Variants in CATSPERD observed in about 807,000 individuals in gnomAD.
CATSPERD encodes cation channel sperm-associated auxiliary subunit delta.
Under a neutral mutation model 98.1 loss-of-function variants are expected in CATSPERD, and 86 were observed. The observed-to-expected ratio is 0.88, with a 90% CI of 0.74 to 1.05. The LOEUF (loss-of-function observed/expected upper bound fraction) is 1.05, where lower values mean the gene tolerates loss of function less well. Ranked by LOEUF, CATSPERD falls within the 50% of genes least tolerant of loss-of-function variation. The pLI, the probability that CATSPERD is intolerant of heterozygous loss-of-function variation, is 0.00. For synonymous variants in CATSPERD, 394 were observed against 390.2 expected, an observed-to-expected ratio of 1.01 and a Z score of -0.12; for missense variants, 995 against 1,005.7, an observed-to-expected ratio of 0.99 and a Z score of 0.14.
At position 5,773,124 on chromosome 19, in the gene CATSPERD, C is replaced by T. The variant is rs148077087; in HGVS notation, c.1941+159C>T. Among the ~76,000 whole-genome samples the T allele has an allele frequency of 6.8e-3, 1,037 of 152,226 alleles. 4 individuals are homozygous for T. Among genetic ancestry groups the T allele is most frequent in the Non-Finnish European group, 0.01 (700 of 68,018 alleles). ...ATCCCAGCACTTTGGGAGGCTGAGG[C>T]AGGTGGATCATGAGGTCAGGAGTTT... On this transcript the variant is annotated intron_variant, in intron 20 of 21. Transcript: ENST00000381624.
chr19:5,737,022 A>AC (rs1282513586), intron 5 of CATSPERD, 116 bp from the exon 6 acceptor site: 12 of 576,018 alleles, frequency 2.1e-5, no homozygotes, highest in Non-Finnish European at 3.4e-5. Context: ...ACGCCACTGC[A>AC]CTTCAGCCTG....
rs920861269 is a variant in CATSPERD, at chr19:5,746,595, AT to A, written c.808+543del. ...AGGCGCCCAGCACCATGCCCGGCTA[AT>A]TTTTTTTTTTGTATTTTTAGTAGAG... On this transcript the variant is annotated intron_variant, in intron 9 of 21. Coordinates refer to ENST00000381624, the MANE Select transcript of CATSPERD (RefSeq NM_152784.4). 8.1e-3 allele frequency among the ~76,000 whole-genome samples: 1,188 copies of A among 146,448 alleles called. 7 individuals carry two copies. The highest frequency in any genetic ancestry group is 0.012 in the Non-Finnish European group (810 of 66,020).
chr19:5,720,836 G>T (rs576440536), intron 1 of CATSPERD, 28 bp downstream of exon 1: 2 of 1,580,496 alleles, frequency 1.3e-6, no homozygotes, highest in African/African-American at 1.3e-5. Context: ...CCTGGGGCTG[G>T]GGTGCTGCCG....
intron 1 of CATSPERD, 75 bp from the exon 2 acceptor site, chr19:5,724,733 T>C: frequency 1.4e-6 from 2 of 1,439,404 alleles, no homozygotes; most frequent in Non-Finnish European, 9.8e-7. Flanking sequence ...GGGTTAACCC[T>C]GAGTTGGCTG....
chr19:5,768,244 T>A lies in CATSPERD; in HGVS notation c.1634+2T>A. Reference sequence around the variant, plus strand: ...CAATTACAGCTTCATCATCGAGAAGTAAGCCAGCGTCCCCCCGCAACACCT... The same window carrying A: ...CAATTACAGCTTCATCATCGAGAAGAAAGCCAGCGTCCCCCCGCAACACCT... On this transcript the variant is annotated splice_donor_variant, in intron 18 of 21. Coordinates refer to ENST00000381624, the MANE Select transcript of CATSPERD (RefSeq NM_152784.4). LOFTEE classifies it high-confidence loss of function. 1 of 1,611,196 alleles carries A rather than the reference T, an allele frequency of 6.2e-7. No individual in the cohort carries two copies. Among genetic ancestry groups the A allele is most frequent in the Non-Finnish European group, 8.5e-7 (1 of 1,177,664 alleles).
At chr19:5,762,643 GGATA>G (rs1444301892) in intron 15 of CATSPERD, among the ~76,000 whole-genome samples, 10 of 151,518 alleles carry the variant, frequency 6.6e-5, no homozygotes, top group South Asian at 2.1e-4. Context: ...ATGGATGGAT[GGATA>G]AATGGATAGA....
At chr19:5,738,389 A>G (rs1407398120) in intron 6 of CATSPERD, among the ~76,000 whole-genome samples, 1 of 151,016 alleles carries the variant, frequency 6.6e-6, no homozygotes, top group African/African-American at 2.4e-5. Flanking sequence ...AAAAATAGCT[A>G]GATATGGTGG....
chr19:5,778,633 C>A lies in CATSPERD; in HGVS notation c.2354C>A (p.Pro785Gln). The A allele has an allele frequency of 6.2e-7, 1 of 1,613,542 alleles. No individual in the cohort carries two copies. The highest frequency in any genetic ancestry group is 1.1e-5 in the South Asian group (1 of 91,052). ...ACAGCCAGGGCAGGCACAGAGCCCC[C>A]GGGACGCCACCGCACTCCTCACGGA... ...SATARAGTEPPGRHRTPHGGR... is the reference protein window; with the variant it reads ...SATARAGTEPQGRHRTPHGGR... The change falls in exon 22 of 22, where the codon CCG (proline) becomes CAG (glutamine). Residue 785 changes from proline (P) to glutamine (Q), a missense_variant. Physicochemically the swap from Pro to Gln is moderately conservative, Grantham distance 76. Coordinates refer to ENST00000381624, the MANE Select transcript of CATSPERD (RefSeq NM_152784.4).
chr19:5,730,561 A>AAAAT lies in CATSPERD; in HGVS notation c.276+632_276+635dup, dbSNP rs71172757. ...CTGTCTTAAAAAATAATAATAAAATAAAATAAATAAATAAATAATAGATAG... is the reference window on the plus strand; with the variant it reads ...CTGTCTTAAAAAATAATAATAAAATAAAATAAATAAATAAATAAATAATAGATAG... On this transcript the variant is annotated intron_variant, in intron 4 of 21. Coordinates refer to ENST00000381624, the MANE Select transcript of CATSPERD (RefSeq NM_152784.4). 2.1e-3 allele frequency among the ~76,000 whole-genome samples: 314 copies of AAAAT among 149,286 alleles called. 1 individual carries two copies. Among genetic ancestry groups the AAAAT allele is most frequent in the African/African-American group, 7.0e-3 (285 of 40,730 alleles).
At chr19:5,760,392 C>T (rs1255737135) in intron 15 of CATSPERD, among the ~76,000 whole-genome samples, 6 of 107,514 alleles carry the variant, frequency 5.6e-5, no homozygotes, top group Admixed American at 1.1e-4. Flanking sequence ...GAGCAAAACT[C>T]GTTCTCAAAA....
At chr19:5,728,598 A>T (rs1473123586) in intron 3 of CATSPERD, among the ~76,000 whole-genome samples, 2 of 150,784 alleles carry the variant, frequency 1.3e-5, no homozygotes, top group East Asian at 4.0e-4. Context: ...ATGACCAATT[A>T]TAAAACATAA....
intron 2 of CATSPERD, among the ~76,000 whole-genome samples, chr19:5,725,473 A>G (rs1019113265): frequency 6.6e-6 from 1 of 152,134 alleles, no homozygotes; most frequent in Admixed American, 6.6e-5. Flanking sequence ...TTTAAAATGC[A>G]TAGTAACAGT....
chr19:5,773,059 A>G, intron 20 of CATSPERD, 94 bp downstream of exon 20: 5 of 1,318,722 alleles, frequency 3.8e-6, no homozygotes, highest in Non-Finnish European at 5.2e-6. Context: ...GGAACTGAGT[A>G]TGGAATGAAA....
At chr19:5,749,791 T>C (rs939335452) in intron 11 of CATSPERD, among the ~76,000 whole-genome samples, 1 of 150,274 alleles carries the variant, frequency 6.7e-6, no homozygotes, top group Non-Finnish European at 1.5e-5. Flanking sequence ...TCTTGTGCAT[T>C]ATGCCTATCT....
At position 5,772,844 on chromosome 19, in the gene CATSPERD, T is replaced by C. The variant is rs1341832350; in HGVS notation, c.1820T>C (p.Val607Ala). ...VIDAEYVLLEVNGQFSYSYSL... is the reference protein window; with the variant it reads ...VIDAEYVLLEANGQFSYSYSL... ...GACGCCGAGTATGTGTTACTGGAGG[T>C]GAACGGGCAGTTCTCATACTCCTAT... Residue 607 changes from valine to alanine, a missense_variant, in exon 20 of 22, where the codon GTG becomes GCG. Around this residue, in one of 3 missense-constraint regions of CATSPERD, gnomAD observed 762 missense variants for 773.7 expected, o/e 0.98. Coordinates refer to ENST00000381624, the MANE Select transcript of CATSPERD (RefSeq NM_152784.4). The C allele has an allele frequency of 3.1e-6, 5 of 1,613,720 alleles. No individual in the cohort carries two copies. Among genetic ancestry groups the C allele is most frequent in the Middle Eastern group, 1.7e-4 (1 of 6,060 alleles).
intron 16 of CATSPERD, among the ~76,000 whole-genome samples, chr19:5,765,835 AG>A (rs2056528275): frequency 6.6e-6 from 1 of 152,032 alleles, no homozygotes; most frequent in South Asian, 2.1e-4. Context: ...ATTAATTAAA[AG>A]AAAAAGTTAA....
chr19:5,740,227 G>A (rs1417830109), intron 7 of CATSPERD, among the ~76,000 whole-genome samples: 2 of 151,268 alleles, frequency 1.3e-5, no homozygotes, highest in African/African-American at 4.9e-5. Context: ...GTTGCGGTGA[G>A]CCAAGATCAC....
chr19:5,761,787 C>T (rs2056440085), intron 15 of CATSPERD, among the ~76,000 whole-genome samples: 1 of 151,424 alleles, frequency 6.6e-6, no homozygotes. Context: ...ACTGCAATCT[C>T]CACCTCCTGG....
At chr19:5,767,512 G>C (rs1433761237) in intron 17 of CATSPERD, among the ~76,000 whole-genome samples, 1 of 150,544 alleles carries the variant, frequency 6.6e-6, no homozygotes, top group Admixed American at 6.6e-5. Context: ...TATTGAGACG[G>C]AGTCTTGCTC....
Sources: gnomAD v4.1 joint callset for allele counts (sites outside exome capture counted in the v4.1 genomes callset) on GRCh38, gnomAD v4.1.1 for gene constraint, gnomAD v4.1.1 regional missense constraint, MANE v1.5 for transcripts, NCBI Gene and HGNC (gene_info 2026-07-23, HGNC 2026-07-21) for gene names.